The following VPS13D variants were observed in gnomAD, a reference collection of about 807,000 sequenced individuals.
VPS13D encodes vacuolar protein sorting 13 homolog D.
A neutral mutation model predicts 461.9 loss-of-function variants in VPS13D; 187 were observed. The observed-to-expected ratio is 0.40, with a 90% CI of 0.36 to 0.46. VPS13D has a LOEUF of 0.46. Ranked by LOEUF, VPS13D falls within the 20% of genes least tolerant of loss-of-function variation. VPS13D has a pLI of 0.60. For missense variants in VPS13D, 4,711 were observed against 5,364.9 expected (o/e 0.88, Z 3.81); for synonymous variants, 1,951 against 1,986.3 (o/e 0.98, Z 0.47).
At chr1:12,381,922 T>TTTCTTTTCTTTTC in intron 57 of VPS13D, among the ~76,000 whole-genome samples, 2 of 101,260 alleles carry the variant, frequency 2.0e-5, no homozygotes, top group Non-Finnish European at 4.1e-5. Flanking sequence ...CTTTCTTTTC[T>TTTCTTTTCTTTTC]TTTCTTTCTT....
intron 65 of VPS13D, among the ~76,000 whole-genome samples, chr1:12,421,137 A>T (rs1644857063): frequency 6.6e-6 from 1 of 152,148 alleles, no homozygotes; most frequent in Non-Finnish European, 1.5e-5. Context: ...TTTCTTTCTC[A>T]TCTCCCAACG....
At chr1:12,463,167 T>C (rs564848295) in intron 67 of VPS13D, among the ~76,000 whole-genome samples, 2 of 152,172 alleles carry the variant, frequency 1.3e-5, no homozygotes, top group East Asian at 1.9e-4. Context: ...ACCGTGATCA[T>C]TGAGGCACAG....
At chr1:12,494,688 C>T (rs1321587490) in intron 67 of VPS13D, among the ~76,000 whole-genome samples, 1 of 152,188 alleles carries the variant, frequency 6.6e-6, no homozygotes, top group Non-Finnish European at 1.5e-5. Context: ...AAGGGAAAGG[C>T]CTGTCATCAG....
At chr1:12,360,822 G>A (rs1385690470) in intron 50 of VPS13D, among the ~76,000 whole-genome samples, 1 of 152,168 alleles carries the variant, frequency 6.6e-6, no homozygotes. Context: ...GTGAATTACG[G>A]CATTTACAGA....
At chr1:12,297,596 TGGC>T (rs1348745319) in intron 24 of VPS13D, among the ~76,000 whole-genome samples, 2 of 152,212 alleles carry the variant, frequency 1.3e-5, no homozygotes, top group Non-Finnish European at 2.9e-5. Context: ...CCTGTACTTT[TGGC>T]AATAATTATT....
intron 38 of VPS13D, among the ~76,000 whole-genome samples, chr1:12,334,890 A>T (rs1643412070): frequency 6.6e-6 from 1 of 152,178 alleles, no homozygotes; most frequent in Non-Finnish European, 1.5e-5. Flanking sequence ...CGTAGCTATG[A>T]CCTCTTGTGT....
chr1:12,419,490 C>CA (rs1378283859), intron 65 of VPS13D, among the ~76,000 whole-genome samples: 1 of 152,152 alleles, frequency 6.6e-6, no homozygotes, highest in Admixed American at 6.5e-5. Context: ...GGCATGATGC[C>CA]AGCATCTGCT....
chr1:12,401,771 G>A (rs1644584995), intron 62 of VPS13D, 67 bp downstream of exon 62: 2 of 1,315,668 alleles, frequency 1.5e-6, no homozygotes, highest in Admixed American at 1.7e-5. Context: ...GAGTCTGTTT[G>A]TAAAAATAGG....
At chr1:12,338,139 T>A in intron 39 of VPS13D, 92 bp from the exon 40 acceptor site, 1 of 1,121,718 alleles carries the variant, frequency 8.9e-7, no homozygotes, top group Non-Finnish European at 1.3e-6. Context: ...ATTTTTGTAA[T>A]GTTCTCTATT....
chr1:12,472,202 C>G (rs1359631707), intron 67 of VPS13D, among the ~76,000 whole-genome samples: 1 of 152,128 alleles, frequency 6.6e-6, no homozygotes, highest in Non-Finnish European at 1.5e-5. Context: ...TGATTCTTGA[C>G]TATCTGTTCT....
chr1:12,441,896 T>C (rs928012183), intron 65 of VPS13D, among the ~76,000 whole-genome samples: 3 of 152,228 alleles, frequency 2.0e-5, no homozygotes, highest in South Asian at 4.1e-4. Flanking sequence ...TTTTTCTTTT[T>C]TTCTTGCTTC....
At chr1:12,408,272 T>C (rs1335539357) in intron 63 of VPS13D, among the ~76,000 whole-genome samples, 1 of 152,218 alleles carries the variant, frequency 6.6e-6, no homozygotes, top group Non-Finnish European at 1.5e-5. Context: ...GCTAGCCATA[T>C]GACTTTAGGC....
intron 67 of VPS13D, 131 bp from the exon 68 acceptor site, chr1:12,497,369 T>C (rs189786320): frequency 1.4e-5 from 15 of 1,099,590 alleles, no homozygotes; most frequent in Admixed American, 5.8e-5. Context: ...CAGGCAGTAC[T>C]GTAGGTTAAT....
chr1:12,266,744 T>A, intron 13 of VPS13D, 137 bp from the exon 14 acceptor site: 1 of 852,710 alleles, frequency 1.2e-6, no homozygotes, highest in Non-Finnish European at 1.7e-6. Context: ...AGATAGGGTT[T>A]TTTTGTTTGT....
intron 67 of VPS13D, among the ~76,000 whole-genome samples, chr1:12,477,332 A>G (rs1034851670): frequency 6.6e-6 from 1 of 152,074 alleles, no homozygotes; most frequent in Non-Finnish European, 1.5e-5. Context: ...TCTAGTAATC[A>G]TTTCAGACTT....
At chr1:12,333,615 G>A (rs934180188) in intron 38 of VPS13D, among the ~76,000 whole-genome samples, 2 of 152,320 alleles carry the variant, frequency 1.3e-5, no homozygotes, top group East Asian at 1.9e-4. Context: ...GTAAATGGCC[G>A]TGATGGACTT....
chr1:12,510,525 C>CTGTG lies in VPS13D; in HGVS notation c.*1528_*1531dup, dbSNP rs3831905. The stretch of plus-strand genomic sequence containing the variant: ...TCCCACTTCCCCTCTGTGTCTGTGT[C>CTGTG]TGTGTGTGTGTGTGTGTGTGTGTGT... On this transcript the variant is annotated 3_prime_UTR_variant, in exon 70 of 70. Transcript: ENST00000620676. 0.017 allele frequency: 2,533 copies of CTGTG among 146,200 alleles called. 30 individuals are homozygous for CTGTG. Among genetic ancestry groups the CTGTG allele is most frequent in the African/African-American group, 0.043 (1,678 of 39,092 alleles). The allele number at this position is 146,200 out of a possible 1,614,324, so 9.1% of individuals were successfully genotyped here.
intron 65 of VPS13D, among the ~76,000 whole-genome samples, chr1:12,419,504 G>A (rs922714260): frequency 6.6e-6 from 1 of 152,184 alleles, no homozygotes; most frequent in African/African-American, 2.4e-5. Context: ...ATCTGCTTCT[G>A]GCGAAGTCTT....
intron 68 of VPS13D, among the ~76,000 whole-genome samples, chr1:12,501,241 T>C (rs1475913972): frequency 6.6e-6 from 1 of 152,190 alleles, no homozygotes; most frequent in Non-Finnish European, 1.5e-5. Context: ...ATAATATTGA[T>C]TCTAATAGCA....
Sources: allele counts gnomAD v4.1 joint callset (sites outside exome capture counted in the v4.1 genomes callset), GRCh38; gene constraint gnomAD v4.1.1; transcripts MANE v1.5; gene names NCBI Gene and HGNC (gene_info 2026-07-23, HGNC 2026-07-21).